The following TMEM108 variants were observed in gnomAD, a reference collection of about 807,000 sequenced individuals.
TMEM108 encodes the protein cancer/testis antigen 124.
Under a neutral mutation model 35.1 loss-of-function variants are expected in TMEM108, and 12 were observed. The observed-to-expected ratio is 0.34, with a 90% CI of 0.22 to 0.55. The LOEUF (loss-of-function observed/expected upper bound fraction) is 0.55. Ranked by LOEUF, TMEM108 falls within the 20% of genes least tolerant of loss-of-function variation. TMEM108 has a pLI of 0.89. For missense variants in TMEM108, 680 were observed against 753.3 expected, an observed-to-expected ratio of 0.90 and a Z score of 1.14; for synonymous variants, 287 against 308.6, an observed-to-expected ratio of 0.93 and a Z score of 0.73.
intron 3 of TMEM108, among the ~76,000 whole-genome samples, chr3:133,294,969 G>A (rs1947122484): frequency 6.6e-6 from 1 of 152,184 alleles, no homozygotes; most frequent in African/African-American, 2.4e-5. Flanking sequence ...TTACAGTGGA[G>A]AAAAGTACTT....
At chr3:133,125,099 A>G (rs1576331597) in intron 2 of TMEM108, 2 of 152,336 alleles carry the variant, frequency 1.3e-5, no homozygotes, top group Admixed American at 1.3e-4. Flanking sequence ...AATGAATTAG[A>G]TGGAGATTTA....
At chr3:133,390,581 T>G in intron 5 of TMEM108, among the ~76,000 whole-genome samples, 1 of 152,172 alleles carries the variant, frequency 6.6e-6, no homozygotes, top group East Asian at 1.9e-4. Flanking sequence ...GACTTTTGGT[T>G]TCTGGGAACA....
chr3:133,320,572 A>C (rs138749351), intron 3 of TMEM108, among the ~76,000 whole-genome samples: 199 of 152,334 alleles, frequency 1.3e-3, no homozygotes, highest in African/African-American at 4.7e-3. Context: ...AAGAAGAGAA[A>C]TCTAGAAGTT....
intron 3 of TMEM108, among the ~76,000 whole-genome samples, chr3:133,367,779 C>T (rs1489181463): frequency 6.6e-6 from 1 of 152,234 alleles, no homozygotes; most frequent in Non-Finnish European, 1.5e-5. Context: ...TGCCCATCCC[C>T]TCTTCCTGGA....
intron 1 of TMEM108, among the ~76,000 whole-genome samples, chr3:133,042,061 G>A (rs1466933302): frequency 6.6e-6 from 1 of 152,144 alleles, no homozygotes; most frequent in African/African-American, 2.4e-5. Flanking sequence ...CCCCAAACTT[G>A]TGCTTTGGTT....
chr3:133,295,207 T>C (rs2107698613), intron 3 of TMEM108, among the ~76,000 whole-genome samples: 1 of 152,314 alleles, frequency 6.6e-6, no homozygotes, highest in South Asian at 2.1e-4. Flanking sequence ...CCAAATTTTT[T>C]TATGCAGAAA....
intron 2 of TMEM108, among the ~76,000 whole-genome samples, chr3:133,210,480 A>G (rs1390482341): frequency 6.6e-6 from 1 of 152,218 alleles, no homozygotes; most frequent in Non-Finnish European, 1.5e-5. Flanking sequence ...CCTGGGAGTC[A>G]GAATTTCTAA....
At chr3:133,081,144 C>T (rs928572418) in intron 2 of TMEM108, among the ~76,000 whole-genome samples, 1 of 152,192 alleles carries the variant, frequency 6.6e-6, no homozygotes, top group African/African-American at 2.4e-5. Context: ...CTCATCTGGA[C>T]GTTTCACTGG....
At chr3:133,379,099 T>C (rs1576529095) in intron 3 of TMEM108, among the ~76,000 whole-genome samples, 1 of 152,214 alleles carries the variant, frequency 6.6e-6, no homozygotes, top group African/African-American at 2.4e-5. Flanking sequence ...TGTGGATATG[T>C]GCGAGCTTAT....
At chr3:133,234,918 A>T (rs1375927471) in intron 3 of TMEM108, among the ~76,000 whole-genome samples, 1 of 152,190 alleles carries the variant, frequency 6.6e-6, no homozygotes, top group African/African-American at 2.4e-5. Context: ...AGGATACAAA[A>T]TCCATATGCA....
intron 2 of TMEM108, among the ~76,000 whole-genome samples, chr3:133,145,558 C>G (rs1469860620): frequency 6.6e-6 from 1 of 151,994 alleles, no homozygotes; most frequent in Admixed American, 6.6e-5. Flanking sequence ...CTTTGGGCAG[C>G]GTGGCCATTT....
chr3:133,373,342 T>A (rs1576518719), intron 3 of TMEM108, among the ~76,000 whole-genome samples: 1 of 131,278 alleles, frequency 7.6e-6, no homozygotes, highest in African/African-American at 3.1e-5. Flanking sequence ...GAGTGAGACC[T>A]TGTCTCAAAA....
intron 2 of TMEM108, among the ~76,000 whole-genome samples, chr3:133,088,211 G>A (rs1168270500): frequency 1.3e-5 from 2 of 152,034 alleles, no homozygotes; most frequent in African/African-American, 4.8e-5. Flanking sequence ...GGGAGCCTGA[G>A]AAGTGCATGC....
rs369228472 is a variant in TMEM108 at position 133,181,008 on chromosome 3, T to TAAAAAAAAAAAAAAAAAAAA, written c.-46-48247_-46-48228dup. On this transcript the variant is annotated intron_variant, in intron 2 of 5. Coordinates refer to ENST00000321871, the MANE Select transcript of TMEM108 (RefSeq NM_023943.4). ...TGTACTGGCTATTGGGCAGTTGTGT[T>TAAAAAAAAAAAAAAAAAAAA]AAAAAAAAAAAAAAAAAAAAAAAAA... Among the ~76,000 whole-genome samples, 45 of 75,852 alleles carry TAAAAAAAAAAAAAAAAAAAA rather than the reference T, an allele frequency of 5.9e-4. 4 individuals are homozygous for TAAAAAAAAAAAAAAAAAAAA. The highest frequency in any genetic ancestry group is 3.5e-3 in the South Asian group (6 of 1,734). 49.8% of individuals were successfully genotyped at this position (75,852 alleles called of 152,430 possible).
intron 2 of TMEM108, among the ~76,000 whole-genome samples, chr3:133,124,253 A>G (rs1389309923): frequency 6.6e-6 from 1 of 152,226 alleles, no homozygotes; most frequent in African/African-American, 2.4e-5. Context: ...AGAAACTACA[A>G]TCTGTAAGTT....
At chr3:133,102,638 AT>A (rs1944102563) in intron 2 of TMEM108, among the ~76,000 whole-genome samples, 1 of 152,236 alleles carries the variant, frequency 6.6e-6, no homozygotes, top group Non-Finnish European at 1.5e-5. Context: ...CTTGGAAAAT[AT>A]TGGATAAATG....
At chr3:133,326,106 A>C (rs1230962141) in intron 3 of TMEM108, among the ~76,000 whole-genome samples, 2 of 152,222 alleles carry the variant, frequency 1.3e-5, no homozygotes. Flanking sequence ...CACAACAAAA[A>C]GTAAAACAAA....
At position 133,395,723 on chromosome 3, in the gene TMEM108, C is replaced by T. The variant is rs1022118224; in HGVS notation, c.1606-141C>T. ...GAATGGCATAGAGGGCTGTGCACCT[C>T]AGCATTAGCAGTAGGGATGATGAAA... On this transcript the variant is annotated intron_variant, in intron 5 of 5. Transcript: ENST00000321871. 5 of 795,890 alleles carry T rather than the reference C, an allele frequency of 6.3e-6. No homozygotes were observed. The African/African-American group carries it at 7.1e-5, about 11-fold the overall frequency. 49.3% of individuals were successfully genotyped at this position (795,890 alleles called of 1,614,324 possible).
chr3:133,217,203 C>T (rs145184925), intron 2 of TMEM108, among the ~76,000 whole-genome samples: 266 of 152,092 alleles, frequency 1.7e-3, no homozygotes, highest in African/African-American at 5.8e-3. Context: ...AGCATTTTTT[C>T]ATGAACCTCT....
Sources: allele counts gnomAD v4.1 joint callset (sites outside exome capture counted in the v4.1 genomes callset), GRCh38; gene constraint gnomAD v4.1.1; transcripts MANE v1.5; gene names NCBI Gene and HGNC (gene_info 2026-07-23, HGNC 2026-07-21).